Variants in CFAP20DC observed in about 807,000 individuals in gnomAD.
The protein encoded by CFAP20DC is protein CFAP20DC.
A neutral mutation model predicts 101.7 loss-of-function variants in CFAP20DC; 84 were observed. The ratio of observed to expected loss-of-function variants is 0.83; its 90% confidence interval spans 0.69 to 0.99. The LOEUF (loss-of-function observed/expected upper bound fraction) is 0.99, where lower values mean the gene tolerates loss of function less well. Among genes scored for constraint, CFAP20DC ranks in the 50% least tolerant of loss-of-function variants. The probability of loss-of-function intolerance (pLI) is 0.00; values close to 1 mark genes in which losing one functional copy is unlikely to be tolerated. For synonymous variants in CFAP20DC, 359 were observed against 351.2 expected, an observed-to-expected ratio of 1.02 and a Z score of -0.25; for missense variants, 1,007 against 970.3, an observed-to-expected ratio of 1.04 and a Z score of -0.50.
At position 58,721,870 on chromosome 3, in the gene CFAP20DC, T is replaced by C. The variant is rs568338382; in HGVS notation, c.198-4242A>G. On this transcript the variant is annotated intron_variant, in intron 3 of 3. Coordinates refer to the CFAP20DC transcript ENST00000486145. This position sits in a 1 kb window ranked among gnomAD's most constrained non-coding sequence, Gnocchi z 5.2. ...CATGTTGGGGTTGATTTTATTTTCC[T>C]AAGATTGTGGCAACACGAACTCCCA... is the stretch of plus-strand genomic sequence containing the variant. 6.6e-6 allele frequency among the ~76,000 whole-genome samples: 1 copy of C among 152,338 alleles called. No homozygotes were observed. The highest frequency in any genetic ancestry group is 1.9e-4 in the East Asian group (1 of 5,172).
chr3:58,813,729 A>G (rs2074868826), intron 14 of CFAP20DC, among the ~76,000 whole-genome samples: 1 of 151,938 alleles, frequency 6.6e-6, no homozygotes, highest in Admixed American at 6.6e-5. Context: ...CCCATCTGAT[A>G]ATCACAGTCA....
intron 6 of CFAP20DC, among the ~76,000 whole-genome samples, chr3:58,905,583 G>C (rs944022688): frequency 1.3e-5 from 2 of 152,204 alleles, no homozygotes; most frequent in Non-Finnish European, 2.9e-5. Context: ...TGTGTAAAGA[G>C]AGAATAGAGA....
intron 13 of CFAP20DC, among the ~76,000 whole-genome samples, chr3:58,844,563 G>A (rs202101510): frequency 0.029 from 3,633 of 127,354 alleles, 118 homozygotes; most frequent in East Asian, 0.21. Flanking sequence ...ATTAATAATG[G>A]GAGACTTTAA....
At chr3:58,900,031 C>T (rs944645340) in intron 6 of CFAP20DC, among the ~76,000 whole-genome samples, 1 of 152,058 alleles carries the variant, frequency 6.6e-6, no homozygotes, top group Non-Finnish European at 1.5e-5. Flanking sequence ...TAGCATAAGG[C>T]GTCAGGGAAA....
At chr3:58,796,481 G>C (rs569220308) in intron 15 of CFAP20DC, among the ~76,000 whole-genome samples, 1 of 152,148 alleles carries the variant, frequency 6.6e-6, no homozygotes, top group African/African-American at 2.4e-5. Flanking sequence ...GCTGTGGATC[G>C]GGGAGGAAAG....
chr3:58,739,723 T>G (rs2067839718), downstream of CFAP20DC, among the ~76,000 whole-genome samples: 1 of 152,146 alleles, frequency 6.6e-6, no homozygotes, highest in African/African-American at 2.4e-5. Context: ...TTTTATTAAC[T>G]TTCCAGAAGA....
chr3:59,012,602 G>A lies in CFAP20DC; in HGVS notation c.278+26955C>T, dbSNP rs188598920. On this transcript the variant is annotated intron_variant, in intron 4 of 16. Transcript: ENST00000482387. Reference sequence around the variant, plus strand: ...CAATACCACAGTAAAGCTCATGGAAGGCTTTTAAGTAGGAAAATAATAAAA... The same window carrying A: ...CAATACCACAGTAAAGCTCATGGAAAGCTTTTAAGTAGGAAAATAATAAAA... 5.9e-5 allele frequency among the ~76,000 whole-genome samples: 9 copies of A among 152,312 alleles called. 1 individual carries two copies. The highest frequency in any genetic ancestry group is 5.9e-4 in the Admixed American group (9 of 15,288).
At chr3:59,023,161 T>C (rs1441844149) in intron 4 of CFAP20DC, among the ~76,000 whole-genome samples, 1 of 152,004 alleles carries the variant, frequency 6.6e-6, no homozygotes, top group Non-Finnish European at 1.5e-5. Flanking sequence ...TCTCTTGTTT[T>C]TTTTTTTTGT....
chr3:58,966,832 A>T (rs1006510289), intron 4 of CFAP20DC, among the ~76,000 whole-genome samples: 1 of 152,154 alleles, frequency 6.6e-6, no homozygotes, highest in African/African-American at 2.4e-5. Flanking sequence ...GCTGAAAAAT[A>T]TATTTTTTAA....
Position 58,831,782 on chromosome 3 carries a change from G to A in CFAP20DC, c.2079C>T (p.Thr693=), listed in dbSNP as rs759710179. 4.3e-6 allele frequency: 7 copies of A among 1,613,944 alleles called. No individual in the cohort carries two copies. The highest frequency in any genetic ancestry group is 5.1e-6 in the Non-Finnish European group (6 of 1,179,962). The change falls in exon 14 of 17, where the codon ACC becomes ACT. Residue 693 remains threonine, a synonymous_variant. Coordinates refer to ENST00000482387, the MANE Select transcript of CFAP20DC (RefSeq NM_001394063.1). The part of the protein sequence containing the change: ...QQNEELEDAG[T]SHGLSASQVD... ...CCTGGGAGGCACTCAGGCCATGGGA[G>A]GTCCCAGCATCCTCCAGTTCTTCAT...
At chr3:59,000,102 T>C (rs1241723886) in intron 4 of CFAP20DC, among the ~76,000 whole-genome samples, 1 of 152,236 alleles carries the variant, frequency 6.6e-6, no homozygotes, top group Non-Finnish European at 1.5e-5. Flanking sequence ...AAAACAATTA[T>C]GTAATCTCCT....
chr3:58,954,697 A>C (rs2090463987), intron 4 of CFAP20DC, among the ~76,000 whole-genome samples: 6 of 152,188 alleles, frequency 3.9e-5, no homozygotes, highest in Admixed American at 3.9e-4. Flanking sequence ...GCTGAAGTTT[A>C]AATTCACTGA....
intron 3 of CFAP20DC, chr3:58,726,937 C>G: frequency 8.1e-6 from 2 of 247,252 alleles, no homozygotes; most frequent in Middle Eastern, 1.6e-3. Flanking sequence ...ATCCCTTCCA[C>G]TCACGCCATC....
At chr3:58,806,514 A>G (rs2107733196) in intron 14 of CFAP20DC, 58 bp from the exon 15 acceptor site, 1 of 1,200,748 alleles carries the variant, frequency 8.3e-7, no homozygotes. Context: ...TTACATAGAC[A>G]TTCACATGCA....
At chr3:59,017,592 T>C (rs1345476832) in intron 4 of CFAP20DC, 2 of 152,112 alleles carry the variant, frequency 1.3e-5, no homozygotes, top group Admixed American at 1.3e-4. Flanking sequence ...CAAAAAACCC[T>C]ACATCCATTT....
intron 15 of CFAP20DC, among the ~76,000 whole-genome samples, chr3:58,755,570 G>A (rs1184340753): frequency 6.6e-6 from 1 of 152,170 alleles, no homozygotes; most frequent in Non-Finnish European, 1.5e-5. Flanking sequence ...GTAGGTGGGA[G>A]TTGTGTGAAT....
intron 4 of CFAP20DC, among the ~76,000 whole-genome samples, chr3:58,966,840 T>A (rs143670198): frequency 0.035 from 5,323 of 152,142 alleles, 136 homozygotes; most frequent in Admixed American, 0.066. Flanking sequence ...ATATATTTTT[T>A]AAAAAATGAA....
At chr3:58,805,423 T>C (rs2073986135) in intron 15 of CFAP20DC, among the ~76,000 whole-genome samples, 1 of 152,214 alleles carries the variant, frequency 6.6e-6, no homozygotes, top group Non-Finnish European at 1.5e-5. Flanking sequence ...GTATCTTACT[T>C]AACAACCACC....
At chr3:58,824,093 G>T (rs1456547424) in intron 14 of CFAP20DC, among the ~76,000 whole-genome samples, 1 of 151,920 alleles carries the variant, frequency 6.6e-6, no homozygotes, top group Admixed American at 6.6e-5. Context: ...ATCAGTTTTC[G>T]TATATCATTT....
Sources: allele counts gnomAD v4.1 joint callset (sites outside exome capture counted in the v4.1 genomes callset), GRCh38; gene constraint gnomAD v4.1.1; non-coding constraint Gnocchi (gnomAD v3.1); transcripts MANE v1.5; gene names NCBI Gene and HGNC (gene_info 2026-07-23, HGNC 2026-07-21).